The following ARHGAP18 variants were observed in gnomAD, a reference collection of about 807,000 sequenced individuals.
ARHGAP18 encodes the protein rho GTPase-activating protein 18.
Under a neutral mutation model 86.2 loss-of-function variants are expected in ARHGAP18, and 67 were observed. The observed-to-expected ratio is 0.78, with a 90% CI of 0.64 to 0.95. The LOEUF is 0.95. Ranked by LOEUF, ARHGAP18 falls within the 40% of genes least tolerant of loss-of-function variation. The probability of loss-of-function intolerance (pLI) is 0.00; values close to 1 mark genes in which losing one functional copy is unlikely to be tolerated. For missense variants in ARHGAP18, 691 were observed against 780.4 expected, an observed-to-expected ratio of 0.89 and a Z score of 1.37; for synonymous variants, 283 against 280.4, an observed-to-expected ratio of 1.01 and a Z score of -0.09.
intron 5 of ARHGAP18, among the ~76,000 whole-genome samples, chr6:129,627,693 AAG>A (rs1247299848): frequency 6.6e-6 from 1 of 151,968 alleles, no homozygotes; most frequent in African/African-American, 2.4e-5. Flanking sequence ...GGGAGAGAGA[AAG>A]AAACAGAGAA....
intron 10 of ARHGAP18, among the ~76,000 whole-genome samples, chr6:129,604,851 C>A (rs1420908654): frequency 6.6e-6 from 1 of 152,154 alleles, no homozygotes; most frequent in Non-Finnish European, 1.5e-5. Flanking sequence ...CTCCAGTAAT[C>A]CCCATAAGCT....
intron 1 of ARHGAP18, among the ~76,000 whole-genome samples, chr6:129,648,810 C>T (rs1773637760): frequency 6.6e-6 from 1 of 152,098 alleles, no homozygotes; most frequent in Non-Finnish European, 1.5e-5. Flanking sequence ...ACTGTAATCA[C>T]TATCATGGTG....
intron 1 of ARHGAP18, among the ~76,000 whole-genome samples, chr6:129,700,753 T>C (rs1434884969): frequency 6.6e-6 from 1 of 152,180 alleles, no homozygotes; most frequent in Non-Finnish European, 1.5e-5. Context: ...AGTTAGGTAT[T>C]ATTATTCCCA....
chr6:129,695,263 A>ATT (rs11415057), intron 1 of ARHGAP18, among the ~76,000 whole-genome samples: 127 of 151,378 alleles, frequency 8.4e-4, no homozygotes, highest in African/African-American at 2.9e-3. Context: ...GCAGTAAACT[A>ATT]TTTTTTTTTC....
chr6:129,659,986 T>G (rs917729944), intron 1 of ARHGAP18, among the ~76,000 whole-genome samples: 1 of 152,014 alleles, frequency 6.6e-6, no homozygotes, highest in East Asian at 1.9e-4. Context: ...GCATGGACAG[T>G]GGGTTTAGAG....
intron 12 of ARHGAP18, among the ~76,000 whole-genome samples, chr6:129,592,725 ACAT>A (rs1392332577): frequency 1.3e-5 from 2 of 152,136 alleles, no homozygotes; most frequent in Admixed American, 6.5e-5. Flanking sequence ...GGCAGAAGAA[ACAT>A]CATACAAACC....
chr6:129,601,599 G>A (rs925810237), intron 10 of ARHGAP18, among the ~76,000 whole-genome samples: 7 of 151,798 alleles, frequency 4.6e-5, no homozygotes, highest in South Asian at 2.1e-4. Flanking sequence ...TAGAGAAAGC[G>A]GGGAAATGAG....
At chr6:129,686,715 C>T (rs1461682836) in intron 1 of ARHGAP18, among the ~76,000 whole-genome samples, 1 of 151,862 alleles carries the variant, frequency 6.6e-6, no homozygotes, top group Admixed American at 6.6e-5. Flanking sequence ...TGTCTTTCTC[C>T]AGATTGATAT....
chr6:129,578,361 A>T lies in ARHGAP18; in HGVS notation c.*152T>A. Reference sequence around the variant, plus strand: ...TTAATATAATTCTGGCAGCAGCACAAATCTATGACTTTTTAAGGCTTAAGA... The same window carrying T: ...TTAATATAATTCTGGCAGCAGCACATATCTATGACTTTTTAAGGCTTAAGA... On this transcript the variant is annotated 3_prime_UTR_variant, in exon 15 of 15. Coordinates refer to ENST00000368149, the MANE Select transcript of ARHGAP18 (RefSeq NM_033515.3). The T allele has an allele frequency of 2.6e-6, 1 of 389,540 alleles. No individual in the cohort carries two copies. Among genetic ancestry groups the T allele is most frequent in the Non-Finnish European group, 4.5e-6 (1 of 224,480 alleles). The allele number at this position is 389,540 out of a possible 1,614,324, so 24.1% of individuals were successfully genotyped here.
In ARHGAP18 at chr6:129,634,693, C is replaced by T. The variant is rs965035042; in HGVS notation, c.553-588G>A. Among the ~76,000 whole-genome samples, 22 of 151,986 alleles carry T rather than the reference C, an allele frequency of 1.4e-4. 2 individuals are homozygous for T. In the Middle Eastern group the frequency reaches 0.014, roughly 95 times the overall value. On this transcript the variant is annotated intron_variant, in intron 3 of 14. Coordinates refer to ENST00000368149, the MANE Select transcript of ARHGAP18 (RefSeq NM_033515.3). ...GATGGGGAAGGTCTGTTAATGGATA[C>T]AGGCTTTCTTTTGGAGACAATAAAA...
At chr6:129,660,609 C>T (rs1397791571) in intron 1 of ARHGAP18, among the ~76,000 whole-genome samples, 1 of 152,158 alleles carries the variant, frequency 6.6e-6, no homozygotes, top group Non-Finnish European at 1.5e-5. Context: ...ACCAGCGGCA[C>T]CAGGCATCAA....
intron 1 of ARHGAP18, among the ~76,000 whole-genome samples, chr6:129,709,668 G>T (rs1261605232): frequency 6.6e-6 from 1 of 152,248 alleles, no homozygotes; most frequent in African/African-American, 2.4e-5. Flanking sequence ...CAGTGGCAGT[G>T]CCTTGAGCCC....
intron 1 of ARHGAP18, among the ~76,000 whole-genome samples, chr6:129,705,265 C>G (rs1352760174): frequency 6.6e-6 from 1 of 152,256 alleles, no homozygotes; most frequent in Non-Finnish European, 1.5e-5. Context: ...AAGTCAAGAA[C>G]TGAGATAAGC....
At chr6:129,689,476 A>G (rs942653702) in intron 1 of ARHGAP18, among the ~76,000 whole-genome samples, 1 of 152,056 alleles carries the variant, frequency 6.6e-6, no homozygotes, top group African/African-American at 2.4e-5. Flanking sequence ...TATTTTTGGT[A>G]GAGACAGGGT....
chr6:129,658,613 A>C (rs1374663103), intron 1 of ARHGAP18, among the ~76,000 whole-genome samples: 1 of 152,210 alleles, frequency 6.6e-6, no homozygotes, highest in African/African-American at 2.4e-5. Flanking sequence ...TTCCATTTCT[A>C]ATCCCCTAGG....
At chr6:129,648,154 C>CT (rs548516326) in intron 1 of ARHGAP18, among the ~76,000 whole-genome samples, 54 of 148,772 alleles carry the variant, frequency 3.6e-4, no homozygotes, top group South Asian at 1.5e-3. Flanking sequence ...TTCCAATGCA[C>CT]TTTTTTTTTT....
At chr6:129,593,937 A>G (rs557345328) in intron 12 of ARHGAP18, among the ~76,000 whole-genome samples, 25 of 152,320 alleles carry the variant, frequency 1.6e-4, no homozygotes, top group East Asian at 1.5e-3. Context: ...ACGTCTTAAT[A>G]ATACAAATGC....
chr6:129,690,996 T>C (rs1023318776), intron 1 of ARHGAP18, among the ~76,000 whole-genome samples: 4 of 152,256 alleles, frequency 2.6e-5, no homozygotes, highest in Admixed American at 6.5e-5. Context: ...ACAATTGTTT[T>C]GCATCTCAAT....
At chr6:129,615,403 G>A (rs1445588797) in intron 7 of ARHGAP18, among the ~76,000 whole-genome samples, 1 of 152,196 alleles carries the variant, frequency 6.6e-6, no homozygotes, top group East Asian at 1.9e-4. Context: ...AGCACCAAAG[G>A]TTAGTAGGTA....
Sources: allele counts gnomAD v4.1 joint callset (sites outside exome capture counted in the v4.1 genomes callset), GRCh38; gene constraint gnomAD v4.1.1; transcripts MANE v1.5; gene names NCBI Gene and HGNC (gene_info 2026-07-23, HGNC 2026-07-21).